The following PXDNL variants were observed in gnomAD, a reference collection of about 807,000 sequenced individuals.
The protein encoded by PXDNL is probable oxidoreductase PXDNL.
PXDNL carries 145 observed loss-of-function variants against 150.8 expected under a neutral mutation model. The ratio of observed to expected loss-of-function variants is 0.96; its 90% CI spans 0.84 to 1.10. The LOEUF (loss-of-function observed/expected upper bound fraction) is 1.10, where lower values mean the gene tolerates loss of function less well. Ranked by LOEUF, PXDNL falls within the 50% of genes least tolerant of loss-of-function variation. PXDNL has a pLI of 0.00. For synonymous variants in PXDNL, 757 were observed against 725.7 expected, an observed-to-expected ratio of 1.04 and a Z score of -0.69; for missense variants, 2,087 against 1,873.9, an observed-to-expected ratio of 1.11 and a Z score of -2.10.
chr8:51,564,764 G>T (rs767759566), intron 3 of PXDNL, among the ~76,000 whole-genome samples: 22 of 151,914 alleles, frequency 1.4e-4, no homozygotes, highest in Non-Finnish European at 4.4e-5. Flanking sequence ...CTTATGCAAG[G>T]CTCATCAATG....
chr8:51,496,413 C>G (rs7827330), intron 5 of PXDNL, among the ~76,000 whole-genome samples: 1 of 151,882 alleles, frequency 6.6e-6, no homozygotes, highest in African/African-American at 2.4e-5. Flanking sequence ...CAACATAGTG[C>G]TGGAAGTTCT....
At chr8:51,792,716 T>C (rs1432688125) in intron 1 of PXDNL, among the ~76,000 whole-genome samples, 1 of 152,158 alleles carries the variant, frequency 6.6e-6, no homozygotes, top group African/African-American at 2.4e-5. Context: ...CTGTGGTACA[T>C]TGTGGCCAGA....
chr8:51,745,518 T>C (rs2036974065), intron 1 of PXDNL, among the ~76,000 whole-genome samples: 1 of 152,222 alleles, frequency 6.6e-6, no homozygotes, highest in African/African-American at 2.4e-5. Context: ...AAAGAAAGTA[T>C]GAACTAAAGC....
At chr8:51,565,511 T>A (rs1353252838) in intron 3 of PXDNL, among the ~76,000 whole-genome samples, 1 of 151,594 alleles carries the variant, frequency 6.6e-6, no homozygotes, top group African/African-American at 2.4e-5. Context: ...TTTTTCACTG[T>A]AATAATAATA....
intron 9 of PXDNL, among the ~76,000 whole-genome samples, chr8:51,454,776 T>C (rs1483627847): frequency 6.6e-6 from 1 of 152,162 alleles, no homozygotes; most frequent in Non-Finnish European, 1.5e-5. Context: ...ATTAGTAACA[T>C]ACTGGATGTT....
At chr8:51,410,524 T>C (rs1042421665) in intron 16 of PXDNL, among the ~76,000 whole-genome samples, 1 of 152,154 alleles carries the variant, frequency 6.6e-6, no homozygotes, top group African/African-American at 2.4e-5. Context: ...TACAGAGCTC[T>C]AAGGGCTGAG....
chr8:51,741,498 G>A (rs146994202), intron 1 of PXDNL, among the ~76,000 whole-genome samples: 96 of 152,194 alleles, frequency 6.3e-4, no homozygotes, highest in African/African-American at 2.2e-3. Flanking sequence ...TACAAGGAAA[G>A]ACACAGGATC....
In PXDNL at chr8:51,423,753, C is replaced by A. The variant is rs1809018610; in HGVS notation, c.1639-22G>T. 4 of 1,598,402 alleles carry A rather than the reference C, an allele frequency of 2.5e-6. No homozygotes were observed. The African/African-American group carries it at 5.4e-5, about 22-fold the overall frequency. On this transcript the variant is annotated intron_variant, in intron 13 of 22. Coordinates refer to ENST00000356297, the MANE Select transcript of PXDNL (RefSeq NM_144651.5). ...CTTCCTAGGGAGCAAAAAAGAGTTG[C>A]CACTGAATGAGTGTGGTTCCTTAAA...
At chr8:51,320,955 A>G in intron 21 of PXDNL, 58 bp from the exon 22 acceptor site, 1 of 1,230,690 alleles carries the variant, frequency 8.1e-7, no homozygotes, top group African/African-American at 1.5e-5. Context: ...CAACAAAGCC[A>G]ATCAATAACA....
intron 2 of PXDNL, among the ~76,000 whole-genome samples, chr8:51,633,084 G>A (rs186257304): frequency 2.5e-4 from 38 of 152,136 alleles, no homozygotes; most frequent in Middle Eastern, 6.8e-3. Context: ...GTGTCAATTT[G>A]TTCCCATATT....
At chr8:51,604,884 T>A (rs1185551050) in intron 2 of PXDNL, among the ~76,000 whole-genome samples, 1 of 150,320 alleles carries the variant, frequency 6.7e-6, no homozygotes, top group Non-Finnish European at 1.5e-5. Context: ...ATATACATCA[T>A]CACATGACTT....
At chr8:51,525,928 C>G (rs1336757052) in intron 4 of PXDNL, among the ~76,000 whole-genome samples, 1 of 152,190 alleles carries the variant, frequency 6.6e-6, no homozygotes, top group Non-Finnish European at 1.5e-5. Flanking sequence ...GAGGAAAACC[C>G]AACCCAGAAT....
chr8:51,548,482 C>T (rs1386647131), intron 4 of PXDNL, among the ~76,000 whole-genome samples: 1 of 152,132 alleles, frequency 6.6e-6, no homozygotes, highest in Non-Finnish European at 1.5e-5. Context: ...ATCAGATTAG[C>T]AGCAGATTTT....
intron 20 of PXDNL, among the ~76,000 whole-genome samples, chr8:51,343,770 T>C (rs571494629): frequency 1.3e-5 from 2 of 152,054 alleles, no homozygotes; most frequent in Non-Finnish European, 2.9e-5. Context: ...AATATTTGAG[T>C]CCGGTACCCA....
intron 2 of PXDNL, among the ~76,000 whole-genome samples, chr8:51,651,499 C>G (rs1243057572): frequency 6.6e-6 from 1 of 152,092 alleles, no homozygotes. Context: ...AGAAATACCC[C>G]CCAACCCCTC....
intron 21 of PXDNL, among the ~76,000 whole-genome samples, chr8:51,325,078 C>G (rs907250571): frequency 2.6e-5 from 4 of 152,122 alleles, no homozygotes; most frequent in African/African-American, 9.7e-5. Flanking sequence ...GTTGGTCAGA[C>G]TGATCTCAAA....
At chr8:51,602,722 T>C (rs1275521793) in intron 2 of PXDNL, among the ~76,000 whole-genome samples, 1 of 151,732 alleles carries the variant, frequency 6.6e-6, no homozygotes, top group Non-Finnish European at 1.5e-5. Flanking sequence ...CTTTTCTTTA[T>C]CAACTTATTA....
At chr8:51,612,465 C>T (rs1169536479) in intron 2 of PXDNL, among the ~76,000 whole-genome samples, 1 of 152,206 alleles carries the variant, frequency 6.6e-6, no homozygotes, top group African/African-American at 2.4e-5. Flanking sequence ...CCCCTTTTCC[C>T]TTTAGGGGTG....
At chr8:51,331,105 G>A (rs1805671515) in intron 21 of PXDNL, among the ~76,000 whole-genome samples, 1 of 152,190 alleles carries the variant, frequency 6.6e-6, no homozygotes, top group Non-Finnish European at 1.5e-5. Context: ...TCTGCAGGAA[G>A]CAGACTGCTC....
Sources: allele counts gnomAD v4.1 joint callset (sites outside exome capture counted in the v4.1 genomes callset), GRCh38; gene constraint gnomAD v4.1.1; transcripts MANE v1.5; gene names NCBI Gene and HGNC (gene_info 2026-07-23, HGNC 2026-07-21).